The following HSD17B12 variants were observed in gnomAD, a reference collection of about 807,000 sequenced individuals.
HSD17B12 encodes very-long-chain 3-oxoacyl-CoA reductase.
In HSD17B12, 32 loss-of-function variants were observed where a neutral mutation model predicts 39.3. That is an observed-to-expected ratio of 0.81 (90% CI 0.61 to 1.09). The LOEUF (loss-of-function observed/expected upper bound fraction) is 1.09. HSD17B12 is among the 50% of genes least tolerant of loss of function. HSD17B12 has a pLI of 0.00. For synonymous variants in HSD17B12, 150 were observed against 146.7 expected (o/e 1.02, Z -0.16); for missense variants, 342 against 382.9 (o/e 0.89, Z 0.89).
At chr11:43,641,034 G>C in the HSD17B12 span, 4 of 151,368 alleles carry the variant, frequency 2.6e-5, no homozygotes, top group Non-Finnish European at 5.9e-5. Context: ...TTCTTCTTTA[G>C]GTAAGGAAAC....
At chr11:43,581,037 T>A in the HSD17B12 span, among the ~76,000 whole-genome samples, 1 of 152,088 alleles carries the variant, frequency 6.6e-6, no homozygotes, top group East Asian at 1.9e-4. This position sits in a 1 kb window ranked among gnomAD's most constrained non-coding sequence, Gnocchi z 4.9. Context: ...ATCCGCGACC[T>A]TGCAGCCGGG....
chr11:43,849,202 G>A (rs1951507784), intron 9 of HSD17B12, among the ~76,000 whole-genome samples: 1 of 152,204 alleles, frequency 6.6e-6, no homozygotes, highest in Non-Finnish European at 1.5e-5. Flanking sequence ...ATACTTGGGA[G>A]GCTGAGGTGG....
chr11:43,656,039 C>CT, the HSD17B12 span, among the ~76,000 whole-genome samples: 1 of 152,096 alleles, frequency 6.6e-6, no homozygotes, highest in Non-Finnish European at 1.5e-5. Flanking sequence ...TGGTCCTGGA[C>CT]TTTTTTTGGT....
intron 1 of HSD17B12, among the ~76,000 whole-genome samples, chr11:43,700,420 A>G (rs1488597375): frequency 2.0e-5 from 3 of 152,116 alleles, no homozygotes; most frequent in East Asian, 1.9e-4. Flanking sequence ...GCTGCTATCA[A>G]ATGGTAGGTC....
the HSD17B12 span, among the ~76,000 whole-genome samples, chr11:43,635,469 G>A: frequency 2.0e-4 from 30 of 152,264 alleles, no homozygotes; most frequent in East Asian, 5.8e-3. Context: ...GAAAAGCACA[G>A]GAGACATAAA....
intron 9 of HSD17B12, among the ~76,000 whole-genome samples, chr11:43,850,312 T>C (rs972712412): frequency 5.3e-5 from 8 of 152,214 alleles, no homozygotes; most frequent in Admixed American, 2.6e-4. Context: ...CCTGAAATCG[T>C]AGATGAATAC....
At chr11:43,763,611 T>A (rs1950571856) in intron 3 of HSD17B12, among the ~76,000 whole-genome samples, 1 of 145,650 alleles carries the variant, frequency 6.9e-6, no homozygotes, top group African/African-American at 2.5e-5. Flanking sequence ...TAAGGTTATC[T>A]TATATATATA....
rs1949737290 is a variant in HSD17B12 at position 43,680,927 on chromosome 11, C to T, written c.100C>T (p.Leu34Phe). 6.2e-7 allele frequency: 1 copy of T among 1,613,380 alleles called. No individual in the cohort carries two copies. Among genetic ancestry groups the T allele is most frequent in the Non-Finnish European group, 8.5e-7 (1 of 1,179,674 alleles). Residue 34 changes from leucine (L) to phenylalanine (F), a missense_variant, in exon 1 of 11, where the codon CTC becomes TTC. Leu to Phe is a conservative substitution (Grantham distance 22). Transcript: ENST00000278353. The part of the protein sequence containing the change: ...LRISYSLFTA[L>F]RVWGVGNEAG... ...TATTTCGTACTCGCTCTTCACGGCC[C>T]TCCGGGTCTGGGGAGTGGGGAATGA... is the stretch of plus-strand genomic sequence containing the variant.
intron 8 of HSD17B12, among the ~76,000 whole-genome samples, 153 bp from the exon 9 acceptor site, chr11:43,839,846 T>C (rs1206519627): frequency 2.6e-5 from 4 of 152,158 alleles, no homozygotes; most frequent in Non-Finnish European, 5.9e-5. Context: ...GGTTTTCAGG[T>C]GTTTTTCTAA....
the HSD17B12 span, among the ~76,000 whole-genome samples, chr11:43,637,789 T>C: frequency 1.3e-5 from 2 of 152,250 alleles, no homozygotes; most frequent in East Asian, 3.8e-4. Context: ...AAGGTGCATG[T>C]ATTTTTCAGG....
intron 6 of HSD17B12, chr11:43,830,420 C>T (rs1951296025): frequency 6.6e-6 from 1 of 152,174 alleles, no homozygotes; most frequent in East Asian, 1.9e-4. Context: ...ATGTTGGTTA[C>T]TAGAGATCAC....
At chr11:43,603,733 G>T in the HSD17B12 span, among the ~76,000 whole-genome samples, 585 of 152,140 alleles carry the variant, frequency 3.8e-3, 5 homozygotes, top group African/African-American at 0.013. Flanking sequence ...TTGGTTCTTG[G>T]ATCACATACA....
At chr11:43,785,331 T>C (rs1176406562) in intron 3 of HSD17B12, among the ~76,000 whole-genome samples, 1 of 152,192 alleles carries the variant, frequency 6.6e-6, no homozygotes, top group Non-Finnish European at 1.5e-5. Flanking sequence ...AAGAGGTCCT[T>C]ACCTGGGAAA....
chr11:43,680,214 C>T (rs1362721163), upstream of HSD17B12, among the ~76,000 whole-genome samples: 1 of 151,858 alleles, frequency 6.6e-6, no homozygotes, highest in Non-Finnish European at 1.5e-5. Context: ...GCTGAGATTA[C>T]AGGCGCACGC....
intron 3 of HSD17B12, among the ~76,000 whole-genome samples, chr11:43,754,421 A>G (rs1218555244): frequency 1.3e-5 from 2 of 152,022 alleles, no homozygotes; most frequent in Admixed American, 6.6e-5. Flanking sequence ...AAAAATTAAA[A>G]AAAAATTAGC....
At chr11:43,829,316 A>ATCTT (rs1232575755) in intron 6 of HSD17B12, among the ~76,000 whole-genome samples, 2 of 152,214 alleles carry the variant, frequency 1.3e-5, no homozygotes, top group African/African-American at 4.8e-5. Context: ...TAATTCATAT[A>ATCTT]TATAAAGAAT....
chr11:43,581,508 T>A, the HSD17B12 span: 1 of 484,626 alleles, frequency 2.1e-6, no homozygotes. This position sits in a 1 kb window ranked among gnomAD's most constrained non-coding sequence, Gnocchi z 4.9. Context: ...ACGGCAGCCA[T>A]CCAGCGATCG....
At chr11:43,803,454 C>T (rs747321012) in intron 4 of HSD17B12, among the ~76,000 whole-genome samples, 5 of 152,098 alleles carry the variant, frequency 3.3e-5, no homozygotes, top group Non-Finnish European at 7.3e-5. Flanking sequence ...ACCTAGGAAT[C>T]CATATTAAGT....
chr11:43,627,794 AAAT>A, the HSD17B12 span, among the ~76,000 whole-genome samples: 1 of 151,968 alleles, frequency 6.6e-6, no homozygotes, highest in South Asian at 2.1e-4. Flanking sequence ...CTTTTACTGT[AAAT>A]AATAATAATG....
Sources: gnomAD v4.1 joint callset for allele counts (sites outside exome capture counted in the v4.1 genomes callset) on GRCh38, gnomAD v4.1.1 for gene constraint, Gnocchi (gnomAD v3.1) non-coding constraint, MANE v1.5 for transcripts, NCBI Gene and HGNC (gene_info 2026-07-23, HGNC 2026-07-21) for gene names.